TCAF1: variants seen among roughly 807,000 people sequenced by gnomAD.
TCAF1 encodes the protein TRPM8 channel associated factor 1.
A neutral mutation model predicts 27.3 loss-of-function variants in TCAF1; 4 were observed. That is an observed-to-expected ratio of 0.15 (90% CI 0.07 to 0.34). The LOEUF (loss-of-function observed/expected upper bound fraction) is 0.34, where lower values mean the gene tolerates loss of function less well. TCAF1 is among the 10% of genes least tolerant of loss of function. TCAF1 has a pLI of 1.00. For synonymous variants in TCAF1, 105 were observed against 167.1 expected (o/e 0.63, Z 2.87); for missense variants, 257 against 425.8 (o/e 0.60, Z 3.49).
At chr7:143,899,279 G>A (rs1814016548) in intron 1 of TCAF1, among the ~76,000 whole-genome samples, 1 of 152,180 alleles carries the variant, frequency 6.6e-6, no homozygotes, top group South Asian at 2.1e-4. Flanking sequence ...GAAGAAACAG[G>A]TGATAGGACT....
In TCAF1 at chr7:143,884,122, G is replaced by T. The variant is rs191969966; in HGVS notation, c.-14-7500C>A. On this transcript the variant is annotated intron_variant, in intron 1 of 8. Transcript: ENST00000479870. ...ATGCTTGTAAAGTTCTTGAATCAATGTCTGGTATACGGTAAGACTGGATGA... is the reference window on the plus strand; with the variant it reads ...ATGCTTGTAAAGTTCTTGAATCAATTTCTGGTATACGGTAAGACTGGATGA... Among the ~76,000 whole-genome samples the T allele has an allele frequency of 2.0e-5, 3 of 152,280 alleles. No homozygotes were observed. In the East Asian group the frequency reaches 5.8e-4, roughly 29 times the overall value.
At chr7:143,878,875 T>C (rs1431688915) in intron 1 of TCAF1, among the ~76,000 whole-genome samples, 1 of 152,210 alleles carries the variant, frequency 6.6e-6, no homozygotes, top group Non-Finnish European at 1.5e-5. Flanking sequence ...TAGTAATTCA[T>C]GCCTGGACTC....
chr7:143,894,298 A>C (rs879456481), intron 1 of TCAF1, among the ~76,000 whole-genome samples: 27 of 152,006 alleles, frequency 1.8e-4, no homozygotes, highest in Non-Finnish European at 3.2e-4. Context: ...GAAAAATATA[A>C]TACTAATATC....
intron 6 of TCAF1, among the ~76,000 whole-genome samples, 171 bp downstream of exon 6, chr7:143,860,037 A>T (rs1452489335): frequency 4.4e-5 from 3 of 68,240 alleles, no homozygotes; most frequent in African/African-American, 1.2e-4. Context: ...TTATATATAT[A>T]ATATATAATA....
chr7:143,896,813 AG>A (rs1813889058), intron 1 of TCAF1, among the ~76,000 whole-genome samples: 1 of 151,970 alleles, frequency 6.6e-6, no homozygotes, highest in African/African-American at 2.4e-5. Context: ...AGAAATGTAT[AG>A]CTTTAAAAGC....
rs534403745 is a variant in TCAF1, at chr7:143,891,458, G to T, written c.-15+10503C>A. On this transcript the variant is annotated intron_variant, in intron 1 of 8. Coordinates refer to ENST00000479870, the MANE Select transcript of TCAF1 (RefSeq NM_014719.3). The stretch of plus-strand genomic sequence containing the variant: ...AAAAGTAAAATGAAAAATTAAAAAA[G>T]AAAAATAATAATAATTAAAATTGGT... 6.6e-5 allele frequency among the ~76,000 whole-genome samples: 10 copies of T among 151,986 alleles called. 1 individual carries two copies. The highest frequency in any genetic ancestry group is 5.9e-4 in the Admixed American group (9 of 15,254).
rs775716291 is a variant in TCAF1, at chr7:143,876,436, C to T, written c.173G>A (p.Arg58His). The T allele has an allele frequency of 1.4e-5, 22 of 1,610,092 alleles. No individual in the cohort carries two copies. The highest frequency in any genetic ancestry group is 1.7e-5 in the Non-Finnish European group (20 of 1,178,262). The change falls in exon 2 of 9, where the codon CGC becomes CAC. Residue 58 changes from arginine (R) to histidine (H), a missense_variant. By Grantham distance (29) the Arg-to-His change is conservative (BLOSUM62 0). Transcript: ENST00000479870. Reference sequence around the variant, plus strand: ...GTCCTCATGGGACACGACCACCAGGCGGCCACGGCCATAGGAGGAGGCAGC... The same window carrying T: ...GTCCTCATGGGACACGACCACCAGGTGGCCACGGCCATAGGAGGAGGCAGC... ...LIAASSYGRG[R>H]LVVVSHEDYL...
intron 1 of TCAF1, chr7:143,885,234 C>G: frequency 1.0e-6 from 1 of 985,594 alleles, no homozygotes; most frequent in Non-Finnish European, 1.2e-6. Flanking sequence ...ATTTCCACAC[C>G]AGGCTACTTT....
chr7:143,861,814 TAG>T (rs2116713500), intron 4 of TCAF1, among the ~76,000 whole-genome samples: 1 of 61,002 alleles, frequency 1.6e-5, no homozygotes, highest in African/African-American at 7.5e-5. Flanking sequence ...AGGTACTTGG[TAG>T]AGTCCTAGGA....
intron 1 of TCAF1, among the ~76,000 whole-genome samples, chr7:143,883,434 A>C (rs1258711751): frequency 6.6e-6 from 1 of 152,028 alleles, no homozygotes; most frequent in Non-Finnish European, 1.5e-5. Context: ...ATACAGTTCA[A>C]ACAATAGTTA....
chr7:143,870,585 T>C (rs1812412017), intron 2 of TCAF1, among the ~76,000 whole-genome samples: 7 of 152,236 alleles, frequency 4.6e-5, no homozygotes, highest in Admixed American at 4.6e-4. Flanking sequence ...ATGATTTCAA[T>C]TCTTTTACTC....
At position 143,876,052 on chromosome 7, in the gene TCAF1, T is replaced by C. The variant is rs1256762257; in HGVS notation, c.557A>G (p.Asn186Ser). The C allele has an allele frequency of 6.2e-7, 1 of 1,605,968 alleles. No individual in the cohort carries two copies. ...TTTAAAGAAACTCGTGTCCCCTTTG[T>C]TGTCAGTAAAGTAAATGCCAGCCAC... Reference protein sequence around the residue: ...TSVAGIYFTDNKGDTSFFKVS... With the variant: ...TSVAGIYFTDSKGDTSFFKVS... The change falls in exon 2 of 9, where the codon AAC becomes AGC. Residue 186 changes from asparagine to serine, a missense_variant. This residue lies in a region of TCAF1 where 255 missense variants were observed against 260.1 expected (regional missense o/e 0.98). Transcript: ENST00000479870.
chr7:143,888,374 T>A (rs1223333102), intron 1 of TCAF1, among the ~76,000 whole-genome samples: 1 of 152,088 alleles, frequency 6.6e-6, no homozygotes, highest in Non-Finnish European at 1.5e-5. Flanking sequence ...GCCTAGGATA[T>A]TAAGACCAAG....
At chr7:143,865,192 G>GC (rs1177812734) in intron 2 of TCAF1, among the ~76,000 whole-genome samples, 1 of 117,452 alleles carries the variant, frequency 8.5e-6, no homozygotes, top group African/African-American at 3.1e-5. Context: ...GAGAAGGGGG[G>GC]GGGTCTCACT....
intron 2 of TCAF1, 57 bp downstream of exon 2, chr7:143,875,932 G>T (rs539270506): frequency 2.7e-6 from 4 of 1,481,136 alleles, no homozygotes; most frequent in East Asian, 4.6e-5. Flanking sequence ...CTGAAGATAA[G>T]AACTGGGTCT....
At chr7:143,900,401 A>G (rs1406713855) in intron 1 of TCAF1, among the ~76,000 whole-genome samples, 4 of 151,866 alleles carry the variant, frequency 2.6e-5, no homozygotes, top group Non-Finnish European at 5.9e-5. Flanking sequence ...GTAAGCTGCC[A>G]TGTTGCAACC....
At chr7:143,877,840 C>T (rs1435972363) in intron 1 of TCAF1, among the ~76,000 whole-genome samples, 1 of 152,234 alleles carries the variant, frequency 6.6e-6, no homozygotes, top group Non-Finnish European at 1.5e-5. Context: ...TCTAGAACCA[C>T]TTACTTTCTG....
At chr7:143,889,914 G>A (rs949710128) in intron 1 of TCAF1, among the ~76,000 whole-genome samples, 1 of 152,178 alleles carries the variant, frequency 6.6e-6, no homozygotes, top group African/African-American at 2.4e-5. Flanking sequence ...GGAATCATTA[G>A]GCATCCACCT....
intron 1 of TCAF1, among the ~76,000 whole-genome samples, chr7:143,895,460 T>C (rs1586800761): frequency 1.3e-5 from 2 of 151,846 alleles, no homozygotes; most frequent in East Asian, 1.9e-4. Context: ...CAATATATCA[T>C]GACAGAGGTC....
Sources: allele counts gnomAD v4.1 joint callset (sites outside exome capture counted in the v4.1 genomes callset), GRCh38; gene constraint gnomAD v4.1.1; regional missense constraint gnomAD v4.1.1; transcripts MANE v1.5; gene names NCBI Gene and HGNC (gene_info 2026-07-23, HGNC 2026-07-21).